The following PRKG1 variants were observed in gnomAD, a reference collection of about 807,000 sequenced individuals.
PRKG1 encodes the protein cGMP-dependent protein kinase 1.
PRKG1 carries 35 observed loss-of-function variants against 88.1 expected under a neutral mutation model. The observed-to-expected ratio is 0.40, with a 90% CI of 0.30 to 0.53. PRKG1 has a LOEUF of 0.53. PRKG1 is among the 20% of genes least tolerant of loss of function. The pLI, the probability that PRKG1 is intolerant of heterozygous loss-of-function variation, is 0.59. For synonymous variants in PRKG1, 303 were observed against 292.5 expected (o/e 1.04, Z -0.37); for missense variants, 540 against 839.8 (o/e 0.64, Z 4.41).
chr10:51,802,177 G>T (rs1194140053), intron 3 of PRKG1, among the ~76,000 whole-genome samples: 1 of 152,076 alleles, frequency 6.6e-6, no homozygotes, highest in Non-Finnish European at 1.5e-5. Flanking sequence ...CCATATTTTT[G>T]ATAATAAGTC....
intron 3 of PRKG1, among the ~76,000 whole-genome samples, chr10:51,596,043 C>T (rs151152999): frequency 0.069 from 10,541 of 152,072 alleles, 1,198 homozygotes; most frequent in African/African-American, 0.24. Context: ...TTTGGTCAGG[C>T]TGGTCCCAAA....
chr10:51,699,351 G>A (rs753730423), intron 3 of PRKG1: 1 of 1,614,082 alleles, frequency 6.2e-7, no homozygotes, highest in Non-Finnish European at 8.5e-7. Context: ...GCGGTCTCCT[G>A]GTCTTGGTAT....
At chr10:52,224,862 A>C (rs1030903345) in intron 9 of PRKG1, among the ~76,000 whole-genome samples, 3 of 133,194 alleles carry the variant, frequency 2.3e-5, no homozygotes, top group African/African-American at 8.5e-5. Context: ...CATATCTCAC[A>C]GTTTCTTTAT....
intron 5 of PRKG1, chr10:51,908,049 T>G (rs1214541663): frequency 6.6e-6 from 1 of 152,616 alleles, no homozygotes; most frequent in African/African-American, 2.4e-5. Context: ...GCTATGGTTT[T>G]GAGAAAGAGG....
At chr10:51,000,640 A>C (rs1261077728) in intron 1 of PRKG1, among the ~76,000 whole-genome samples, 3 of 152,242 alleles carry the variant, frequency 2.0e-5, no homozygotes, top group Non-Finnish European at 4.4e-5. Context: ...TTATAGTTAT[A>C]GATATTTTAA....
Position 51,750,156 on chromosome 10 carries a change from G to A in PRKG1, c.593-54429G>A, listed in dbSNP as rs192815723. 3.1e-3 allele frequency among the ~76,000 whole-genome samples: 473 copies of A among 152,010 alleles called. 5 individuals are homozygous for A. The highest frequency in any genetic ancestry group is 0.011 in the African/African-American group (448 of 41,468). On this transcript the variant is annotated intron_variant, in intron 3 of 17. Transcript: ENST00000373980. Reference sequence around the variant, plus strand: ...TCATCATATTGGCCAGGCTGGTCTCGAACTCCTGACCTCAGGTGATCCACC... The same window carrying A: ...TCATCATATTGGCCAGGCTGGTCTCAAACTCCTGACCTCAGGTGATCCACC...
chr10:51,609,195 A>C (rs1838841289), intron 3 of PRKG1, among the ~76,000 whole-genome samples: 1 of 152,024 alleles, frequency 6.6e-6, no homozygotes, highest in African/African-American at 2.4e-5. Flanking sequence ...TTTTAAAAAA[A>C]ATTTAGTGTA....
chr10:51,693,287 CAAAAAAA>C (rs762828746), intron 3 of PRKG1, among the ~76,000 whole-genome samples: 2 of 70,602 alleles, frequency 2.8e-5, no homozygotes, highest in African/African-American at 8.5e-5. Context: ...GACACCACCT[CAAAAAAA>C]AAAAAAAAAA....
At chr10:52,121,296 C>T (rs150039720) in intron 7 of PRKG1, among the ~76,000 whole-genome samples, 1 of 152,208 alleles carries the variant, frequency 6.6e-6, no homozygotes, top group African/African-American at 2.4e-5. Flanking sequence ...GATCTTTGTC[C>T]CATATTCTTG....
intron 3 of PRKG1, among the ~76,000 whole-genome samples, chr10:51,499,752 A>G (rs758130388): frequency 3.3e-5 from 5 of 152,180 alleles, no homozygotes; most frequent in Non-Finnish European, 7.3e-5. Context: ...CAGCGTACGC[A>G]ACATAAAGAA....
intron 3 of PRKG1, among the ~76,000 whole-genome samples, chr10:51,777,166 G>C (rs1838461476): frequency 6.6e-6 from 1 of 152,040 alleles, no homozygotes; most frequent in South Asian, 2.1e-4. Flanking sequence ...ATAGTGATAA[G>C]TACCTGTTTG....
At chr10:52,164,596 CAG>C (rs1838379175) in intron 9 of PRKG1, among the ~76,000 whole-genome samples, 3 of 151,762 alleles carry the variant, frequency 2.0e-5, no homozygotes, top group Admixed American at 6.6e-5. Flanking sequence ...TTTAATAAAA[CAG>C]TAACATTTGA....
chr10:51,361,448 T>C (rs1182417158), intron 2 of PRKG1, among the ~76,000 whole-genome samples: 1 of 151,962 alleles, frequency 6.6e-6, no homozygotes, highest in Non-Finnish European at 1.5e-5. Context: ...TAGTAAAATA[T>C]TGGCTGAGAA....
intron 5 of PRKG1, among the ~76,000 whole-genome samples, chr10:52,016,361 C>A (rs902387166): frequency 1.3e-5 from 2 of 152,126 alleles, no homozygotes; most frequent in Non-Finnish European, 2.9e-5. Context: ...TTTAAACCAT[C>A]GGATCTTGTT....
chr10:51,029,552 T>C (rs945153509), intron 1 of PRKG1, among the ~76,000 whole-genome samples: 2 of 152,124 alleles, frequency 1.3e-5, no homozygotes, highest in Non-Finnish European at 2.9e-5. Flanking sequence ...AGGAAATGTG[T>C]TGGAATGTGC....
chr10:52,289,191 A>G (rs1026385010), intron 16 of PRKG1, among the ~76,000 whole-genome samples, 198 bp downstream of exon 16: 4 of 152,128 alleles, frequency 2.6e-5, no homozygotes, highest in Non-Finnish European at 5.9e-5. Flanking sequence ...ACCCTGTAAC[A>G]TAAGAAGCTG....
Position 52,297,023 on chromosome 10 carries a change from T to C in PRKG1, c.*3123T>C, listed in dbSNP as rs1396062107. 3 of 152,270 alleles carry C rather than the reference T, an allele frequency of 2.0e-5. No homozygotes were observed. Among genetic ancestry groups the C allele is most frequent in the South Asian group, 2.1e-4 (1 of 4,824 alleles). 9.4% of individuals were successfully genotyped at this position (152,270 alleles called of 1,614,324 possible). ...GGTAAACAAATTTAATGAAGTCAGC[T>C]ACCATGTTGAAAATAAGGATATTAG... On this transcript the variant is annotated 3_prime_UTR_variant, in exon 18 of 18. Coordinates refer to ENST00000373980, the MANE Select transcript of PRKG1 (RefSeq NM_006258.4).
chr10:51,998,388 C>A (rs930154896), intron 5 of PRKG1, among the ~76,000 whole-genome samples: 1 of 152,052 alleles, frequency 6.6e-6, no homozygotes, highest in Admixed American at 6.5e-5. Context: ...CAACAAATAC[C>A]CCTAGGCTGA....
intron 4 of PRKG1, among the ~76,000 whole-genome samples, chr10:51,850,505 G>C (rs200511812): frequency 1.4e-5 from 2 of 144,754 alleles, no homozygotes; most frequent in South Asian, 4.2e-4. Flanking sequence ...ATATATATAT[G>C]TATATGTATA....
Sources: gnomAD v4.1 joint callset for allele counts (sites outside exome capture counted in the v4.1 genomes callset) on GRCh38, gnomAD v4.1.1 for gene constraint, MANE v1.5 for transcripts, NCBI Gene and HGNC (gene_info 2026-07-23, HGNC 2026-07-21) for gene names.